The following BBS9 variants were observed in gnomAD, a reference collection of about 807,000 sequenced individuals.
BBS9 encodes the protein Bardet-Biedl syndrome 9.
A neutral mutation model predicts 117.7 loss-of-function variants in BBS9; 89 were observed. The ratio of observed to expected loss-of-function variants is 0.76; its 90% CI spans 0.64 to 0.90. The LOEUF (loss-of-function observed/expected upper bound fraction) is 0.90. BBS9 is among the 40% of genes least tolerant of loss of function. The pLI, the probability that BBS9 is intolerant of heterozygous loss-of-function variation, is 0.00. For synonymous variants in BBS9, 379 were observed against 370.9 expected, an observed-to-expected ratio of 1.02 and a Z score of -0.25; for missense variants, 982 against 1,042.2, an observed-to-expected ratio of 0.94 and a Z score of 0.80.
At chr7:33,393,888 G>T in intron 19 of BBS9, among the ~76,000 whole-genome samples, 1 of 152,008 alleles carries the variant, frequency 6.6e-6, no homozygotes, top group South Asian at 2.1e-4. Context: ...TTTGAGTTTT[G>T]GTGCAAAAGC....
At chr7:33,151,052 G>A (rs1562683092) in intron 2 of BBS9, among the ~76,000 whole-genome samples, 1 of 152,122 alleles carries the variant, frequency 6.6e-6, no homozygotes, top group Non-Finnish European at 1.5e-5. Flanking sequence ...AGAAGTTTGA[G>A]ACCAGCCCAG....
chr7:33,432,832 C>A (rs1006980704), intron 19 of BBS9, among the ~76,000 whole-genome samples: 1 of 151,216 alleles, frequency 6.6e-6, no homozygotes, highest in African/African-American at 2.4e-5. Context: ...ATATTTGGAA[C>A]GTTATGCCCT....
chr7:33,247,856 A>C (rs1795602238), intron 5 of BBS9, among the ~76,000 whole-genome samples: 1 of 152,224 alleles, frequency 6.6e-6, no homozygotes, highest in Non-Finnish European at 1.5e-5. Flanking sequence ...TATAATGTTT[A>C]GGGCCTTCTT....
intron 21 of BBS9, among the ~76,000 whole-genome samples, chr7:33,628,947 G>A (rs964215751): frequency 2.6e-5 from 4 of 152,186 alleles, no homozygotes; most frequent in Non-Finnish European, 4.4e-5. Context: ...CACAGTAAAT[G>A]CAATGTAACA....
intron 9 of BBS9, among the ~76,000 whole-genome samples, chr7:33,321,318 G>T (rs188545803): frequency 1.3e-5 from 2 of 152,066 alleles, no homozygotes; most frequent in East Asian, 3.9e-4. Context: ...AGATTGCTTT[G>T]GGTAGTATGG....
At chr7:33,161,914 G>A (rs151127111) in intron 4 of BBS9, among the ~76,000 whole-genome samples, 2,198 of 152,300 alleles carry the variant, frequency 0.014, 57 homozygotes, top group African/African-American at 0.05. Context: ...GTGCATAGAT[G>A]TCTTCTTTTG....
intron 21 of BBS9, among the ~76,000 whole-genome samples, chr7:33,557,158 C>T (rs1426234402): frequency 1.3e-5 from 2 of 152,096 alleles, no homozygotes; most frequent in African/African-American, 4.8e-5. Context: ...TATTAGTTCT[C>T]CAAAAAAATA....
chr7:33,532,746 A>G (rs1419738818), intron 20 of BBS9, among the ~76,000 whole-genome samples: 1 of 152,140 alleles, frequency 6.6e-6, no homozygotes, highest in Non-Finnish European at 1.5e-5. Context: ...TGATTTGCAT[A>G]TTTGAATGGT....
intron 19 of BBS9, among the ~76,000 whole-genome samples, chr7:33,468,012 C>A (rs554217195): frequency 5.0e-4 from 76 of 152,228 alleles, no homozygotes; most frequent in South Asian, 1.9e-3. Flanking sequence ...ATTGATCCAG[C>A]CTGCCATGTG....
chr7:33,630,869 A>G (rs1865861771), intron 21 of BBS9, among the ~76,000 whole-genome samples: 1 of 152,170 alleles, frequency 6.6e-6, no homozygotes, highest in Non-Finnish European at 1.5e-5. Context: ...ATTGTCTACT[A>G]TGTGCCAGGC....
At chr7:33,373,109 G>T (rs1823166356) in intron 17 of BBS9, among the ~76,000 whole-genome samples, 1 of 150,496 alleles carries the variant, frequency 6.6e-6, no homozygotes. Context: ...CTTTTGTATT[G>T]TTTTGATGCT....
intron 21 of BBS9, among the ~76,000 whole-genome samples, chr7:33,587,317 A>G (rs1235575218): frequency 6.6e-6 from 1 of 151,858 alleles, no homozygotes; most frequent in African/African-American, 2.4e-5. Flanking sequence ...TTTGTTCTGT[A>G]GTGTTTCCAC....
At chr7:33,511,707 C>G (rs1367950709) in intron 20 of BBS9, among the ~76,000 whole-genome samples, 1 of 152,164 alleles carries the variant, frequency 6.6e-6, no homozygotes. Context: ...ATCCCTTTTA[C>G]AAACTGATAT....
chr7:33,189,580 TG>T (rs1449912834), intron 5 of BBS9, among the ~76,000 whole-genome samples: 5 of 147,734 alleles, frequency 3.4e-5, no homozygotes, highest in African/African-American at 1.2e-4. Context: ...CTTTCTTCAA[TG>T]TTTTTTTAAT....
chr7:33,164,947 G>C (rs1399101227), intron 4 of BBS9, among the ~76,000 whole-genome samples: 1 of 152,194 alleles, frequency 6.6e-6, no homozygotes. Context: ...AATTTGGCGT[G>C]TTTTTGCGGT....
chr7:33,417,675 C>T (rs527607314), intron 19 of BBS9, among the ~76,000 whole-genome samples: 1 of 152,226 alleles, frequency 6.6e-6, no homozygotes, highest in African/African-American at 2.4e-5. Context: ...TTAGTATATG[C>T]CTAACTATAA....
chr7:33,362,989 T>G (rs1820918356), intron 16 of BBS9, among the ~76,000 whole-genome samples: 1 of 152,244 alleles, frequency 6.6e-6, no homozygotes, highest in Admixed American at 6.5e-5. Context: ...TGGTAGTTTT[T>G]CATGTACAGG....
At chr7:33,451,947 C>A (rs1837935121) in intron 19 of BBS9, among the ~76,000 whole-genome samples, 1 of 152,048 alleles carries the variant, frequency 6.6e-6, no homozygotes, top group Admixed American at 6.5e-5. Context: ...AATTCTTGTG[C>A]TTCAGGCTCC....
intron 17 of BBS9, among the ~76,000 whole-genome samples, chr7:33,382,952 A>T (rs1022245710): frequency 6.6e-6 from 1 of 152,172 alleles, no homozygotes; most frequent in Non-Finnish European, 1.5e-5. Context: ...GGCTATTGTA[A>T]TCACAGTTCT....
Sources: allele counts gnomAD v4.1 joint callset (sites outside exome capture counted in the v4.1 genomes callset), GRCh38; gene constraint gnomAD v4.1.1; transcripts MANE v1.5; gene names NCBI Gene and HGNC (gene_info 2026-07-23, HGNC 2026-07-21).